COL10A1: variants seen among roughly 807,000 people sequenced by gnomAD.
COL10A1 encodes collagen alpha-1(X) chain.
Under a neutral mutation model 18.2 loss-of-function variants are expected in COL10A1, and 10 were observed. The ratio of observed to expected loss-of-function variants is 0.55; its 90% confidence interval spans 0.34 to 0.93. COL10A1 has a LOEUF of 0.93. Ranked by LOEUF, COL10A1 falls within the 40% of genes least tolerant of loss-of-function variation. The pLI is 0.02. For synonymous variants in COL10A1, 330 were observed against 316.6 expected (o/e 1.04, Z -0.45); for missense variants, 897 against 853.5 (o/e 1.05, Z -0.64).
the COL10A1 span, among the ~76,000 whole-genome samples, chr6:116,204,600 C>T: frequency 1.3e-5 from 2 of 151,870 alleles, no homozygotes; most frequent in Middle Eastern, 3.2e-3. Flanking sequence ...TGCAATGAGC[C>T]AGCCGTTTAA....
the COL10A1 span, among the ~76,000 whole-genome samples, chr6:116,176,950 A>G: frequency 1.3e-5 from 2 of 152,218 alleles, no homozygotes; most frequent in Non-Finnish European, 2.9e-5. Context: ...GAAAGTTTAT[A>G]AGAACTTTAG....
rs886060991 is a variant in COL10A1, at chr6:116,120,696, G to A, written c.1420C>T (p.Pro474Ser). Reference sequence around the variant, plus strand: ...GTTGCTATGCCAGCTGGGCCAGGAGGACCGGGACTTCCTGGATCCCCTTTA... The same window carrying A: ...GTTGCTATGCCAGCTGGGCCAGGAGAACCGGGACTTCCTGGATCCCCTTTA... ...GSKGDPGSPG[P>S]PGPAGIATKG... The change falls in exon 3 of 3, where the codon CCT (proline) becomes TCT (serine). Residue 474 changes from proline to serine, a missense_variant. By Grantham distance (74) the Pro-to-Ser change is moderately conservative. Coordinates refer to ENST00000651968, the MANE Select transcript of COL10A1 (RefSeq NM_000493.4). 2.6e-5 allele frequency: 40 copies of A among 1,553,230 alleles called. No individual in the cohort carries two copies. The highest frequency in any genetic ancestry group is 3.4e-5 in the Non-Finnish European group (39 of 1,156,380).
the COL10A1 span, among the ~76,000 whole-genome samples, chr6:116,171,637 G>A: frequency 3.3e-5 from 5 of 152,130 alleles, no homozygotes; most frequent in South Asian, 1.0e-3. Context: ...ATTTGACTTG[G>A]CTGAATTCTC....
intron 1 of COL10A1, among the ~76,000 whole-genome samples, chr6:116,145,715 T>G (rs971219009): frequency 8.5e-5 from 13 of 152,274 alleles, no homozygotes; most frequent in African/African-American, 3.1e-4. Context: ...AAATAAAAAA[T>G]AGTTTGTTTC....
At position 116,157,327 on chromosome 6, in the gene COL10A1, A is replaced by G. The variant is rs1180007029; in HGVS notation, c.-16+1287T>C. 2.0e-5 allele frequency among the ~76,000 whole-genome samples: 3 copies of G among 152,266 alleles called. No individual in the cohort carries two copies. The East Asian group carries it at 5.8e-4, about 29-fold the overall frequency. ...AGTCAGTTGTCAACGTAACTTGGTT[A>G]GTGGAACCCTAGACAAGTAACTGTA... On this transcript the variant is annotated intron_variant, in intron 1 of 1. Transcript: ENST00000418500.
At chr6:116,182,005 C>T in the COL10A1 span, among the ~76,000 whole-genome samples, 77,261 of 151,616 alleles carry the variant, frequency 0.51, 20,779 homozygotes, top group African/African-American at 0.69. Context: ...GTGTATAGTC[C>T]TTTATCCCTC....
In COL10A1 at chr6:116,121,385, C is replaced by T. The variant is rs2114288319; in HGVS notation, c.731G>A (p.Gly244Glu). Residue 244 changes from glycine to glutamate, a missense_variant, in exon 3 of 3, where the codon GGA becomes GAA. Transcript: ENST00000651968. Reference protein sequence around the residue: ...KGDRGFPGEMGPIGPPGPQGP... With the variant: ...KGDRGFPGEMEPIGPPGPQGP... ...TTGGGGACCTGGTGGGCCAATTGGT[C>T]CCATTTCTCCCGGAAAACCTCTATC... 6.2e-7 allele frequency: 1 copy of T among 1,614,092 alleles called. No homozygotes were observed. The highest frequency in any genetic ancestry group is 2.2e-5 in the East Asian group (1 of 44,856).
At chr6:116,192,560 A>G in the COL10A1 span, among the ~76,000 whole-genome samples, 2 of 152,082 alleles carry the variant, frequency 1.3e-5, no homozygotes, top group African/African-American at 2.4e-5. Context: ...AAAACTTCCT[A>G]AACTATTTTC....
chr6:116,190,358 C>G, the COL10A1 span, among the ~76,000 whole-genome samples: 1 of 151,696 alleles, frequency 6.6e-6, no homozygotes, highest in Non-Finnish European at 1.5e-5. Flanking sequence ...TTTTATATTT[C>G]TTATTTTGAA....
At chr6:116,211,201 G>A in the COL10A1 span, among the ~76,000 whole-genome samples, 9 of 152,124 alleles carry the variant, frequency 5.9e-5, no homozygotes, top group African/African-American at 1.7e-4. Flanking sequence ...AGCTCTCACC[G>A]TTCCAGCCAG....
chr6:116,132,832 C>A (rs1285784006), intron 1 of COL10A1, among the ~76,000 whole-genome samples: 1 of 152,122 alleles, frequency 6.6e-6, no homozygotes, highest in Non-Finnish European at 1.5e-5. Flanking sequence ...GCACCTTCCA[C>A]CACCACCTTG....
chr6:116,160,076 A>G (rs921146856), upstream of COL10A1, among the ~76,000 whole-genome samples: 1 of 152,204 alleles, frequency 6.6e-6, no homozygotes, highest in African/African-American at 2.4e-5. Flanking sequence ...CAATAAACAT[A>G]TAAGTACAGG....
upstream of COL10A1, among the ~76,000 whole-genome samples, chr6:116,160,459 G>A (rs1019692974): frequency 1.1e-4 from 16 of 152,012 alleles, no homozygotes; most frequent in Non-Finnish European, 1.9e-4. Context: ...CTTTTTAATG[G>A]AATTTTTGTG....
upstream of COL10A1, among the ~76,000 whole-genome samples, chr6:116,126,347 C>T (rs2114312842): frequency 6.6e-6 from 1 of 152,014 alleles, no homozygotes; most frequent in African/African-American, 2.4e-5. Context: ...ATAGTTTTAA[C>T]CAAGGACCGT....
At chr6:116,192,592 C>T in the COL10A1 span, among the ~76,000 whole-genome samples, 2 of 151,932 alleles carry the variant, frequency 1.3e-5, no homozygotes, top group Admixed American at 1.3e-4. Context: ...AGTCAAAAAT[C>T]AAATCTTAAA....
chr6:116,136,618 A>G (rs1779610751), intron 1 of COL10A1, among the ~76,000 whole-genome samples: 1 of 152,224 alleles, frequency 6.6e-6, no homozygotes, highest in Non-Finnish European at 1.5e-5. Context: ...TATTTGAGTC[A>G]AATTTCATTT....
At chr6:116,160,288 G>A (rs553260801), upstream of COL10A1, among the ~76,000 whole-genome samples, 7 of 151,938 alleles carry the variant, frequency 4.6e-5, no homozygotes, top group South Asian at 1.5e-3. Context: ...TTATCTATTG[G>A]CTTTTTTCAT....
the COL10A1 span, among the ~76,000 whole-genome samples, chr6:116,172,326 T>C: frequency 6.8e-6 from 1 of 146,810 alleles, no homozygotes; most frequent in African/African-American, 2.5e-5. Flanking sequence ...ACTTTTTTTT[T>C]TTTTTTTTTT....
At chr6:116,128,173 T>C (rs1050659377), upstream of COL10A1, among the ~76,000 whole-genome samples, 1 of 152,188 alleles carries the variant, frequency 6.6e-6, no homozygotes, top group African/African-American at 2.4e-5. Flanking sequence ...CCCTTTAGTT[T>C]TGGAAAATGT....
Sources: allele counts gnomAD v4.1 joint callset (sites outside exome capture counted in the v4.1 genomes callset), GRCh38; gene constraint gnomAD v4.1.1; transcripts MANE v1.5; gene names NCBI Gene and HGNC (gene_info 2026-07-23, HGNC 2026-07-21).